CDH22: variants seen among roughly 807,000 people sequenced by gnomAD.
The protein encoded by CDH22 is cadherin-22.
A neutral mutation model predicts 58.4 loss-of-function variants in CDH22; 30 were observed. That is an observed-to-expected ratio of 0.51 (90% CI 0.38 to 0.70). CDH22 has a LOEUF of 0.70. Among genes scored for constraint, CDH22 ranks in the 30% least tolerant of loss-of-function variants. The pLI, the probability that CDH22 is intolerant of heterozygous loss-of-function variation, is 0.00. For missense variants in CDH22, 1,014 were observed against 1,233.9 expected (o/e 0.82, Z 2.67); for synonymous variants, 513 against 558.2 (o/e 0.92, Z 1.14).
intron 1 of CDH22, among the ~76,000 whole-genome samples, chr20:46,277,935 GGA>G (rs2086528393): frequency 1.3e-5 from 2 of 152,010 alleles, no homozygotes; most frequent in Admixed American, 1.3e-4. Flanking sequence ...CTTTCTTAAA[GGA>G]GAGAGTTGGG....
At chr20:46,245,697 C>T (rs1472964019) in intron 2 of CDH22, among the ~76,000 whole-genome samples, 1 of 152,174 alleles carries the variant, frequency 6.6e-6, no homozygotes, top group Non-Finnish European at 1.5e-5. Context: ...CAGACTCCCC[C>T]AGTTGTCTTC....
intron 1 of CDH22, among the ~76,000 whole-genome samples, chr20:46,292,236 A>C (rs923805054): frequency 6.6e-6 from 1 of 152,214 alleles, no homozygotes; most frequent in Non-Finnish European, 1.5e-5. Flanking sequence ...GTTGAGTGCC[A>C]ACGATATGGC....
chr20:46,204,392 T>G (rs1387795639), intron 7 of CDH22, among the ~76,000 whole-genome samples: 1 of 41,666 alleles, frequency 2.4e-5, no homozygotes, highest in Non-Finnish European at 4.1e-5. Flanking sequence ...AGACTCTGTC[T>G]CAAAAAAAAA....
At chr20:46,296,475 G>A (rs1258471544) in intron 1 of CDH22, among the ~76,000 whole-genome samples, 1 of 152,196 alleles carries the variant, frequency 6.6e-6, no homozygotes. Flanking sequence ...ATTAGCAAAA[G>A]ACATTATTCC....
In CDH22 at chr20:46,241,283, G is replaced by C; in HGVS notation, c.256-26C>G. 1 of 1,558,130 alleles carries C rather than the reference G, an allele frequency of 6.4e-7. No homozygotes were observed. Among genetic ancestry groups the C allele is most frequent in the African/African-American group, 1.4e-5 (1 of 73,630 alleles). On this transcript the variant is annotated intron_variant, in intron 2 of 11. Transcript: ENST00000537909. This position sits in a 1 kb window ranked among gnomAD's most constrained non-coding sequence, Gnocchi z 5.2. ...CTGGGTAGGCAGAGAAGAAGGCAAG[G>C]TGGAGGCTGAGAAGGAAGCTCCTCT...
intron 1 of CDH22, among the ~76,000 whole-genome samples, chr20:46,292,811 G>T (rs2086610391): frequency 6.6e-6 from 1 of 152,118 alleles, no homozygotes; most frequent in Admixed American, 6.5e-5. Flanking sequence ...TTAAGACTGA[G>T]CCCAAGTCAT....
intron 7 of CDH22, among the ~76,000 whole-genome samples, chr20:46,203,025 G>T (rs1568656999): frequency 6.6e-6 from 1 of 152,110 alleles, no homozygotes; most frequent in Non-Finnish European, 1.5e-5. Flanking sequence ...TGCTGCTGCT[G>T]CTCCTCCTCC....
In CDH22 at chr20:46,308,471, G is replaced by A. The variant is rs1053366649; in HGVS notation, c.-616C>T. ...CGAGAGAGCGAGGGAGTGAGCGAGC[G>A]AGCGGGAGCGAGGGAGTGTGCGTGT... is the stretch of plus-strand genomic sequence containing the variant. On this transcript the variant is annotated 5_prime_UTR_variant, in exon 1 of 12. Coordinates refer to ENST00000537909, the MANE Select transcript of CDH22 (RefSeq NM_021248.3). This position sits in a 1 kb window ranked among gnomAD's most constrained non-coding sequence, Gnocchi z 4.3. The A allele has an allele frequency of 2.4e-3, 510 of 213,812 alleles. 2 individuals carry two copies. The highest frequency in any genetic ancestry group is 2.7e-3 in the Non-Finnish European group (287 of 105,850). The allele number at this position is 213,812 out of a possible 1,614,324, so 13.2% of individuals were successfully genotyped here. A position where few individuals can be genotyped will look rare whatever the true frequency, so the allele number is the denominator to read the frequency against.
rs1201474348 is a variant in CDH22 at position 46,244,880 on chromosome 20, T to C, written c.256-3623A>G. On this transcript the variant is annotated intron_variant, in intron 2 of 11. Transcript: ENST00000537909. ...CCATTTTACCACTTGGGAAAGAACC[T>C]CAAACTACAAATCAGGAAAGATTAT... Among the ~76,000 whole-genome samples the C allele has an allele frequency of 2.6e-5, 4 of 152,128 alleles. No individual in the cohort carries two copies. In the East Asian group the frequency reaches 7.7e-4, roughly 29 times the overall value.
chr20:46,267,427 AC>A lies in CDH22; in HGVS notation c.-399-15735del, dbSNP rs1387783374. Among the ~76,000 whole-genome samples, 10 of 152,346 alleles carry A rather than the reference AC, an allele frequency of 6.6e-5. No homozygotes were observed. In the East Asian group the frequency reaches 1.5e-3, roughly 23 times the overall value. On this transcript the variant is annotated intron_variant, in intron 1 of 11. Transcript: ENST00000537909. ...ATTGCTCTTATTTTAGGCAATTGTC[AC>A]ACCATCCTCCTGAGATGGGCTTTAG...
At chr20:46,301,744 G>A (rs2086653068) in intron 1 of CDH22, among the ~76,000 whole-genome samples, 1 of 152,102 alleles carries the variant, frequency 6.6e-6, no homozygotes, top group African/African-American at 2.4e-5. Flanking sequence ...CCGGGAGGCA[G>A]AAGTTGCAGT....
chr20:46,244,540 G>T (rs1329711597), intron 2 of CDH22, among the ~76,000 whole-genome samples: 1 of 152,222 alleles, frequency 6.6e-6, no homozygotes, highest in Non-Finnish European at 1.5e-5. Flanking sequence ...GACATGTGTT[G>T]CAGGCCATCT....
chr20:46,255,891 C>T (rs1195633304), intron 1 of CDH22, among the ~76,000 whole-genome samples: 6 of 152,158 alleles, frequency 3.9e-5, no homozygotes, highest in Non-Finnish European at 7.3e-5. Flanking sequence ...GGTGGCCTTC[C>T]CTGGTCCTCA....
Position 46,174,987 on chromosome 20 carries a change from T to C in CDH22, c.2006A>G (p.Lys669Arg). Residue 669 changes from lysine to arginine, a missense_variant, in exon 12 of 12, where the codon AAA becomes AGA. Lys to Arg is a conservative substitution (Grantham distance 26). This residue lies in a region of CDH22 where 806 missense variants were observed against 1,038.7 expected (regional missense o/e 0.78). Transcript: ENST00000537909. This position sits in a 1 kb window ranked among gnomAD's most constrained non-coding sequence, Gnocchi z 4.4. ...CTCGCCGCCGCCTTCGTCGTTGTAT[T>C]TGATGACGTTGTCCCGCATGTCTTC... ...EDEDMRDNVIKYNDEGGGEQD... is the reference protein window; with the variant it reads ...EDEDMRDNVIRYNDEGGGEQD... 1 of 1,607,734 alleles carries C rather than the reference T, an allele frequency of 6.2e-7. No homozygotes were observed. Among genetic ancestry groups the C allele is most frequent in the Non-Finnish European group, 8.5e-7 (1 of 1,179,508 alleles).
chr20:46,237,508 G>A (rs1453062747), intron 3 of CDH22, among the ~76,000 whole-genome samples: 1 of 152,192 alleles, frequency 6.6e-6, no homozygotes, highest in African/African-American at 2.4e-5. Flanking sequence ...TTTCAAAGCT[G>A]CCTGGAGTCT....
rs190453523 is a variant in CDH22, at chr20:46,224,745, A to G, written c.670+2763T>C. Among the ~76,000 whole-genome samples, 478 of 152,232 alleles carry G rather than the reference A, an allele frequency of 3.1e-3. 2 individuals carry two copies. Among genetic ancestry groups the G allele is most frequent in the Admixed American group, 7.8e-3 (119 of 15,290 alleles). On this transcript the variant is annotated intron_variant, in intron 4 of 11. Transcript: ENST00000537909. ...CTCCTCCCCCAACCTAGTCCTGCAG[A>G]TTCGTGTTGGCCCCCAAGGTTTGTC...
chr20:46,222,635 C>T (rs986523747), intron 4 of CDH22, among the ~76,000 whole-genome samples: 5 of 152,224 alleles, frequency 3.3e-5, no homozygotes, highest in East Asian at 3.8e-4. Flanking sequence ...CTTCACCCAT[C>T]GTCCCCAGTT....
intron 1 of CDH22, among the ~76,000 whole-genome samples, chr20:46,277,588 G>A (rs1352939068): frequency 2.0e-5 from 3 of 152,142 alleles, no homozygotes; most frequent in Non-Finnish European, 2.9e-5. Flanking sequence ...GTGAAAAGGG[G>A]TGGTCAGAGA....
Position 46,210,474 on chromosome 20 carries a change from GC to G in CDH22, c.1118del (p.Gly373AlafsTer13). On this transcript the variant is annotated frameshift_variant, in exon 7 of 12. Transcript: ENST00000537909. LOFTEE classifies it high-confidence loss of function. This position sits in a 1 kb window ranked among gnomAD's most constrained non-coding sequence, Gnocchi z 4.5. Reference protein sequence around the residue: ...KFVDPRFADLGTFRDQAIVRV... With the variant: ...KFVDPRFADLXTFRDQAIVRV... ...GCACGATCGCCTGGTCGCGGAACGTGCCCAGGTCGGCGAAGCGGGGGTCCAC... is the reference window on the plus strand; with the variant it reads ...GCACGATCGCCTGGTCGCGGAACGTGCCAGGTCGGCGAAGCGGGGGTCCAC... 1 of 1,434,042 alleles carries G rather than the reference GC, an allele frequency of 7.0e-7. No individual in the cohort carries two copies. Among genetic ancestry groups the G allele is most frequent in the Non-Finnish European group, 9.2e-7 (1 of 1,091,066 alleles). The allele number at this position is 1,434,042 out of a possible 1,614,324, so 88.8% of individuals were successfully genotyped here.
Sources: allele counts gnomAD v4.1 joint callset (sites outside exome capture counted in the v4.1 genomes callset), GRCh38; gene constraint gnomAD v4.1.1; regional missense constraint gnomAD v4.1.1; non-coding constraint Gnocchi (gnomAD v3.1); transcripts MANE v1.5; gene names NCBI Gene and HGNC (gene_info 2026-07-23, HGNC 2026-07-21).